Variants in KLF12 observed in about 807,000 individuals in gnomAD.
KLF12 encodes the protein KLF transcription factor 12.
Under a neutral mutation model 37.8 loss-of-function variants are expected in KLF12, and 9 were observed. The observed-to-expected ratio is 0.24, with a 90% CI of 0.14 to 0.42. The LOEUF (loss-of-function observed/expected upper bound fraction) is 0.42, where lower values mean the gene tolerates loss of function less well. KLF12 is among the 10% of genes least tolerant of loss of function. KLF12 has a pLI of 1.00. For synonymous variants in KLF12, 208 were observed against 202.1 expected (o/e 1.03, Z -0.25); for missense variants, 411 against 516.0 (o/e 0.80, Z 1.97).
intron 3 of KLF12, among the ~76,000 whole-genome samples, chr13:73,943,541 C>T (rs1189553409): frequency 6.6e-6 from 1 of 152,158 alleles, no homozygotes; most frequent in African/African-American, 2.4e-5. Flanking sequence ...TAAGAAAGGG[C>T]AAGTACAAAT....
intron 1 of KLF12, among the ~76,000 whole-genome samples, chr13:74,048,870 A>C (rs1313114126): frequency 6.6e-6 from 1 of 152,184 alleles, no homozygotes; most frequent in East Asian, 1.9e-4. Context: ...AAAGGTTAAA[A>C]AGTAAGTGGA....
At chr13:74,193,372 G>A in the KLF12 span, among the ~76,000 whole-genome samples, 2 of 152,104 alleles carry the variant, frequency 1.3e-5, no homozygotes, top group Non-Finnish European at 2.9e-5. Context: ...ATACCTATGA[G>A]GTAGAAACTA....
At chr13:74,217,072 C>G in the KLF12 span, among the ~76,000 whole-genome samples, 1 of 152,054 alleles carries the variant, frequency 6.6e-6, no homozygotes, top group African/African-American at 2.4e-5. Context: ...ACACACATAT[C>G]TAGGGATTTC....
At chr13:73,743,547 C>T (rs780869290) in intron 6 of KLF12, among the ~76,000 whole-genome samples, 1 of 152,116 alleles carries the variant, frequency 6.6e-6, no homozygotes, top group Non-Finnish European at 1.5e-5. Flanking sequence ...GAAATTAAGG[C>T]AGGGTTGGGG....
At chr13:73,980,249 C>A (rs1233133064) in intron 2 of KLF12, among the ~76,000 whole-genome samples, 1 of 152,028 alleles carries the variant, frequency 6.6e-6, no homozygotes, top group Non-Finnish European at 1.5e-5. Flanking sequence ...ATTTTAAGTT[C>A]AAATTTTACC....
chr13:73,706,020 C>T (rs1874911517), intron 7 of KLF12, among the ~76,000 whole-genome samples: 1 of 152,114 alleles, frequency 6.6e-6, no homozygotes, highest in Non-Finnish European at 1.5e-5. Flanking sequence ...GGCGTGGTGG[C>T]ACACACTTGT....
At chr13:74,076,288 C>A (rs1184786106) in intron 1 of KLF12, among the ~76,000 whole-genome samples, 1 of 152,056 alleles carries the variant, frequency 6.6e-6, no homozygotes, top group African/African-American at 2.4e-5. Flanking sequence ...GATAAAATAA[C>A]CTAGATTATA....
intron 1 of KLF12, among the ~76,000 whole-genome samples, chr13:74,005,365 T>C (rs1243066938): frequency 1.3e-5 from 2 of 152,222 alleles, no homozygotes; most frequent in African/African-American, 4.8e-5. Flanking sequence ...CTCCTTTACA[T>C]AATTATACAT....
chr13:74,087,527 G>A (rs1189474522), intron 1 of KLF12, among the ~76,000 whole-genome samples: 3 of 152,030 alleles, frequency 2.0e-5, no homozygotes, highest in Non-Finnish European at 4.4e-5. Context: ...TACCTCTCTG[G>A]GCTTCAACTA....
the KLF12 span, among the ~76,000 whole-genome samples, chr13:74,185,239 T>G: frequency 4.6e-5 from 7 of 152,224 alleles, no homozygotes; most frequent in Admixed American, 6.5e-5. Context: ...TTAATAATAT[T>G]TTTAAAAATT....
chr13:73,840,184 G>A (rs913998218), intron 4 of KLF12, among the ~76,000 whole-genome samples: 2 of 152,108 alleles, frequency 1.3e-5, no homozygotes, highest in Non-Finnish European at 2.9e-5. Context: ...CCATTGACAA[G>A]CTGCTCTTGA....
intron 1 of KLF12, among the ~76,000 whole-genome samples, chr13:74,007,309 G>A (rs917505629): frequency 6.0e-5 from 9 of 150,392 alleles, no homozygotes; most frequent in Admixed American, 5.3e-4. Context: ...ATGGAGTCTC[G>A]CTGCCTCCCA....
At chr13:74,030,914 C>A (rs1444044824) in intron 1 of KLF12, among the ~76,000 whole-genome samples, 2 of 152,080 alleles carry the variant, frequency 1.3e-5, no homozygotes, top group Non-Finnish European at 2.9e-5. Context: ...TATAATTTCT[C>A]TAATCCTAAA....
chr13:74,082,141 A>C (rs1874934755), intron 1 of KLF12, among the ~76,000 whole-genome samples: 1 of 143,792 alleles, frequency 7.0e-6, no homozygotes, highest in Non-Finnish European at 1.5e-5. Context: ...AAAACTGGGC[A>C]ACATAGCAAG....
intron 1 of KLF12, among the ~76,000 whole-genome samples, chr13:74,102,480 C>G (rs1430590691): frequency 1.3e-5 from 2 of 151,752 alleles, no homozygotes; most frequent in Non-Finnish European, 1.5e-5. Context: ...AGCGGATCAC[C>G]TGAGGGTAGG....
intron 5 of KLF12, among the ~76,000 whole-genome samples, chr13:73,806,010 AG>A (rs2138381402): frequency 6.6e-6 from 1 of 152,148 alleles, no homozygotes; most frequent in East Asian, 1.9e-4. Flanking sequence ...CACCAGAGGA[AG>A]GCTGGTCTTC....
chr13:73,996,361 T>C (rs886956761), intron 1 of KLF12, among the ~76,000 whole-genome samples: 1 of 152,258 alleles, frequency 6.6e-6, no homozygotes, highest in Non-Finnish European at 1.5e-5. Context: ...AAAAGTCACC[T>C]AACACACAGT....
At chr13:73,784,523 C>T (rs559204757) in intron 5 of KLF12, among the ~76,000 whole-genome samples, 1 of 151,998 alleles carries the variant, frequency 6.6e-6, no homozygotes, top group Non-Finnish European at 1.5e-5. Flanking sequence ...GCTGACCCCC[C>T]ACTCCGCACA....
At chr13:73,768,752 T>A (rs1219294067) in intron 5 of KLF12, among the ~76,000 whole-genome samples, 1 of 152,194 alleles carries the variant, frequency 6.6e-6, no homozygotes, top group Admixed American at 6.5e-5. Flanking sequence ...GTCATTACTG[T>A]CCACATTTTA....
Sources: allele counts gnomAD v4.1 joint callset (sites outside exome capture counted in the v4.1 genomes callset), GRCh38; gene constraint gnomAD v4.1.1; transcripts MANE v1.5; gene names NCBI Gene and HGNC (gene_info 2026-07-23, HGNC 2026-07-21).